FJX1: variants seen among roughly 807,000 people sequenced by gnomAD.
The protein encoded by FJX1 is four-jointed box protein 1.
Under a neutral mutation model 28.7 loss-of-function variants are expected in FJX1, and 21 were observed. That is an observed-to-expected ratio of 0.73 (90% confidence interval 0.52 to 1.05). The LOEUF (loss-of-function observed/expected upper bound fraction) is 1.05. Among genes scored for constraint, FJX1 ranks in the 50% least tolerant of loss-of-function variants. The pLI is 0.00. For missense variants in FJX1, 683 were observed against 647.2 expected, an observed-to-expected ratio of 1.06 and a Z score of -0.60; for synonymous variants, 363 against 310.0, an observed-to-expected ratio of 1.17 and a Z score of -1.80.
In FJX1 at chr11:35,619,620, C is replaced by T; in HGVS notation, c.984C>T (p.Arg328=). The change falls in exon 1 of 1, where the codon CGC becomes CGT. Residue 328 remains arginine (R), a synonymous_variant. Coordinates refer to ENST00000317811, the MANE Select transcript of FJX1 (RefSeq NM_014344.4). The surrounding 1 kb of genome is among the most constrained non-coding windows in gnomAD (Gnocchi z 7.6). Reference sequence around the variant, plus strand: ...AGCGTGCCACCAGCAACCTGCACCGCGGTCCGGGCGGGGCGCTGGTCTTTC... The same window carrying T: ...AGCGTGCCACCAGCAACCTGCACCGTGGTCCGGGCGGGGCGCTGGTCTTTC... ...VMQRATSNLH[R]GPGGALVFLD... 6.2e-7 allele frequency: 1 copy of T among 1,609,892 alleles called. No individual in the cohort carries two copies. Among genetic ancestry groups the T allele is most frequent in the South Asian group, 1.1e-5 (1 of 91,074 alleles).
At position 35,618,686 on chromosome 11, in the gene FJX1, T is replaced by C; in HGVS notation, c.50T>C (p.Leu17Pro). ...GAAATAGLWL[L>P]ALGSLLALWG... is the part of the protein sequence containing the mutation. ...GCCGCCACCGCGGGGCTCTGGCTGC[T>C]GGCGCTGGGCTCGCTGCTGGCGCTG... The change falls in exon 1 of 1, where the codon CTG becomes CCG. Residue 17 changes from leucine to proline, a missense_variant. Physicochemically the swap from Leu to Pro is moderately conservative, Grantham distance 98. Transcript: ENST00000317811. This position sits in a 1 kb window ranked among gnomAD's most constrained non-coding sequence, Gnocchi z 4.2. 1.6e-6 allele frequency: 2 copies of C among 1,249,036 alleles called. No homozygotes were observed. Among genetic ancestry groups the C allele is most frequent in the Non-Finnish European group, 2.0e-6 (2 of 990,278 alleles). The allele number at this position is 1,249,036 out of a possible 1,614,324, so 77.4% of individuals were successfully genotyped here.
Position 35,619,186 on chromosome 11 carries a change from A to C in FJX1, c.550A>C (p.Asn184His). The C allele has an allele frequency of 2.5e-6, 4 of 1,581,806 alleles. No homozygotes were observed. Among genetic ancestry groups the C allele is most frequent in the Non-Finnish European group, 3.4e-6 (4 of 1,173,524 alleles). Residue 184 changes from asparagine (N) to histidine (H), a missense_variant, in exon 1 of 1, where the codon AAC becomes CAC. Physicochemically the swap from Asn to His is moderately conservative, Grantham distance 68 (BLOSUM62 1). Transcript: ENST00000317811. This position sits in a 1 kb window ranked among gnomAD's most constrained non-coding sequence, Gnocchi z 7.6. ...GTRACVRYGI[N>H]PEQIQGEALS... is the part of the protein sequence containing the mutation. ...CCGCGCCTGCGTGCGCTACGGCATC[A>C]ACCCGGAGCAGATTCAGGGCGAGGC...
Position 35,620,106 on chromosome 11 carries a change from A to G in FJX1, c.*156A>G. 8.8e-7 allele frequency: 1 copy of G among 1,133,332 alleles called. No homozygotes were observed. Among genetic ancestry groups the G allele is most frequent in the South Asian group, 1.5e-5 (1 of 66,174 alleles). 70.2% of individuals were successfully genotyped at this position (1,133,332 alleles called of 1,614,324 possible). A position where few individuals can be genotyped will look rare whatever the true frequency, so the allele number is the denominator to read the frequency against. On this transcript the variant is annotated 3_prime_UTR_variant, in exon 1 of 1. Coordinates refer to ENST00000317811, the MANE Select transcript of FJX1 (RefSeq NM_014344.4). ...TTTCACCCACCTGCCCCTTTCTTTCAATCCCACGCTGTTTCCTTTCAAAGT... is the reference window on the plus strand; with the variant it reads ...TTTCACCCACCTGCCCCTTTCTTTCGATCCCACGCTGTTTCCTTTCAAAGT...
rs1326641476 is a variant in FJX1 at position 35,619,898 on chromosome 11, C to A, written c.1262C>A (p.Ala421Asp). 2 of 1,580,984 alleles carry A rather than the reference C, an allele frequency of 1.3e-6. No homozygotes were observed. The highest frequency in any genetic ancestry group is 1.8e-5 in the Admixed American group (1 of 55,790). ...QLLQRRLDFL[A>D]KHILHCKAKY... ...CTACAGCGCCGCCTCGACTTCCTCG[C>A]CAAGCACATTTTGCACTGTAAGGCC... The change falls in exon 1 of 1, where the codon GCC becomes GAC. Residue 421 changes from alanine (A) to aspartate (D), a missense_variant. Coordinates refer to ENST00000317811, the MANE Select transcript of FJX1 (RefSeq NM_014344.4). This position sits in a 1 kb window ranked among gnomAD's most constrained non-coding sequence, Gnocchi z 7.6.
In FJX1 at chr11:35,620,034, A is replaced by T; in HGVS notation, c.*84A>T. 1.3e-6 allele frequency: 2 copies of T among 1,526,742 alleles called. No homozygotes were observed. The highest frequency in any genetic ancestry group is 2.5e-5 in the South Asian group (2 of 80,246). The allele number at this position is 1,526,742 out of a possible 1,614,324, so 94.6% of individuals were successfully genotyped here. On this transcript the variant is annotated 3_prime_UTR_variant, in exon 1 of 1. Coordinates refer to ENST00000317811, the MANE Select transcript of FJX1 (RefSeq NM_014344.4). ...GCGGTCGCCTCTGCCACTGTCAGGG[A>T]CCAGCCGGCCAACGCCCACCCGCAA...
rs1251751340 is a variant in FJX1 at position 35,618,772 on chromosome 11, C to T, written c.136C>T (p.Leu46Phe). Residue 46 changes from leucine (L) to phenylalanine (F), a missense_variant, in exon 1 of 1, where the codon CTC becomes TTC. Leu to Phe is a conservative substitution (Grantham distance 22). Transcript: ENST00000317811. The surrounding 1 kb of genome is among the most constrained non-coding windows in gnomAD (Gnocchi z 4.2). Reference sequence around the variant, plus strand: ...CGCCTCCCGGCCGCCCGAAGACCGACTCCCACGGCGCCCGGCCCGGAGCGG... The same window carrying T: ...CGCCTCCCGGCCGCCCGAAGACCGATTCCCACGGCGCCCGGCCCGGAGCGG... ...LPASRPPEDR[L>F]PRRPARSGGP... 1.4e-5 allele frequency: 17 copies of T among 1,257,278 alleles called. No individual in the cohort carries two copies. In the East Asian group the frequency reaches 2.1e-4, roughly 16 times the overall value. The allele number at this position is 1,257,278 out of a possible 1,614,324, so 77.9% of individuals were successfully genotyped here. A position where few individuals can be genotyped will look rare whatever the true frequency, so the allele number is the denominator to read the frequency against.
chr11:35,618,994 G>T lies in FJX1; in HGVS notation c.358G>T (p.Gly120Trp), dbSNP rs748206142. Residue 120 changes from glycine to tryptophan, a missense_variant, in exon 1 of 1, where the codon GGG (glycine) becomes TGG (tryptophan). Transcript: ENST00000317811. The surrounding 1 kb of genome is among the most constrained non-coding windows in gnomAD (Gnocchi z 4.2). ...PRPEESAAVHGGVFWSRGLEE... is the reference protein window; with the variant it reads ...PRPEESAAVHWGVFWSRGLEE... ...GCCGGAGGAGAGCGCCGCGGTGCAC[G>T]GGGGCGTCTTCTGGAGCCGCGGCCT... 1.8e-5 allele frequency: 27 copies of T among 1,475,390 alleles called. No individual in the cohort carries two copies. Among genetic ancestry groups the T allele is most frequent in the Non-Finnish European group, 2.3e-5 (26 of 1,123,708 alleles). The allele number at this position is 1,475,390 out of a possible 1,614,324, so 91.4% of individuals were successfully genotyped here.
Position 35,619,526 on chromosome 11 carries a change from A to T in FJX1, c.890A>T (p.Tyr297Phe). The change falls in exon 1 of 1, where the codon TAC becomes TTC. Residue 297 changes from tyrosine to phenylalanine, a missense_variant. Coordinates refer to ENST00000317811, the MANE Select transcript of FJX1 (RefSeq NM_014344.4). The surrounding 1 kb of genome is among the most constrained non-coding windows in gnomAD (Gnocchi z 7.6). ...VQWTDLILFD[Y>F]LTANFDRLVS... ...TGGACCGACTTAATCCTTTTCGACTACCTGACGGCCAACTTCGACCGGCTC... is the reference window on the plus strand; with the variant it reads ...TGGACCGACTTAATCCTTTTCGACTTCCTGACGGCCAACTTCGACCGGCTC... The T allele has an allele frequency of 6.2e-7, 1 of 1,600,116 alleles. No homozygotes were observed. Among genetic ancestry groups the T allele is most frequent in the Non-Finnish European group, 8.5e-7 (1 of 1,179,708 alleles).
In FJX1 at chr11:35,619,289, G is replaced by T. The variant is rs757323111; in HGVS notation, c.653G>T (p.Arg218Leu). ...PPLALARVEA[R>L]GAQWAQVQEE... ...CTGGCACTGGCTCGGGTGGAGGCTC[G>T]GGGCGCGCAGTGGGCGCAGGTGCAG... The change falls in exon 1 of 1, where the codon CGG (arginine) becomes CTG (leucine). Residue 218 changes from arginine to leucine, a missense_variant. Transcript: ENST00000317811. The surrounding 1 kb of genome is among the most constrained non-coding windows in gnomAD (Gnocchi z 7.6). 1.9e-6 allele frequency: 3 copies of T among 1,556,980 alleles called. No homozygotes were observed. Among genetic ancestry groups the T allele is most frequent in the East Asian group, 2.4e-5 (1 of 41,768 alleles).
chr11:35,618,477 G>A lies in FJX1; in HGVS notation c.-160G>A. On this transcript the variant is annotated 5_prime_UTR_variant, in exon 1 of 1. Coordinates refer to ENST00000317811, the MANE Select transcript of FJX1 (RefSeq NM_014344.4). The surrounding 1 kb of genome is among the most constrained non-coding windows in gnomAD (Gnocchi z 4.2). Reference sequence around the variant, plus strand: ...GGGACTCGAGTTCCCAGCGCCGGGCGGAGCGCCGGACAGAGCCCCGCAGCG... The same window carrying A: ...GGGACTCGAGTTCCCAGCGCCGGGCAGAGCGCCGGACAGAGCCCCGCAGCG... 1 of 630,118 alleles carries A rather than the reference G, an allele frequency of 1.6e-6. No homozygotes were observed. The highest frequency in any genetic ancestry group is 7.1e-4 in the Middle Eastern group (1 of 1,400). The allele number at this position is 630,118 out of a possible 1,614,324, so 39.0% of individuals were successfully genotyped here.
In FJX1 at chr11:35,618,725, T is replaced by C. The variant is rs930257930; in HGVS notation, c.89T>C (p.Leu30Pro). 2 of 1,254,794 alleles carry C rather than the reference T, an allele frequency of 1.6e-6. No homozygotes were observed. Among genetic ancestry groups the C allele is most frequent in the African/African-American group, 1.6e-5 (1 of 63,174 alleles). 77.7% of individuals were successfully genotyped at this position (1,254,794 alleles called of 1,614,324 possible). A position where few individuals can be genotyped will look rare whatever the true frequency, so the allele number is the denominator to read the frequency against. Residue 30 changes from leucine to proline, a missense_variant, in exon 1 of 1, where the codon CTG becomes CCG. By Grantham distance (98) the Leu-to-Pro change is moderately conservative. Coordinates refer to ENST00000317811, the MANE Select transcript of FJX1 (RefSeq NM_014344.4). The surrounding 1 kb of genome is among the most constrained non-coding windows in gnomAD (Gnocchi z 4.2). ...GSLLALWGGLLPPRTELPASR... is the reference protein window; with the variant it reads ...GSLLALWGGLPPPRTELPASR... ...CTGCTGGCGCTGTGGGGAGGGCTCC[T>C]GCCGCCGCGGACCGAGCTGCCCGCC... is the stretch of plus-strand genomic sequence containing the variant.
In FJX1 at chr11:35,619,341, C is replaced by T. The variant is rs1007452087; in HGVS notation, c.705C>T (p.Thr235=). The T allele has an allele frequency of 2.0e-5, 31 of 1,572,688 alleles. No individual in the cohort carries two copies. The highest frequency in any genetic ancestry group is 2.6e-5 in the Non-Finnish European group (30 of 1,167,602). The part of the protein sequence containing the change: ...VQEELRAAHW[T]EGSVVSLTRW... ...AGGAGCTGCGCGCTGCGCACTGGAC[C>T]GAGGGCAGCGTGGTGAGCCTGACAC... The change falls in exon 1 of 1, where the codon ACC becomes ACT. Residue 235 remains threonine (T), a synonymous_variant. Transcript: ENST00000317811. The surrounding 1 kb of genome is among the most constrained non-coding windows in gnomAD (Gnocchi z 7.6).
Sources: gnomAD v4.1 joint callset for allele counts on GRCh38, gnomAD v4.1.1 for gene constraint, Gnocchi (gnomAD v3.1) non-coding constraint, MANE v1.5 for transcripts, NCBI Gene and HGNC (gene_info 2026-07-23, HGNC 2026-07-21) for gene names.